GLYATL1B: variants seen among roughly 807,000 people sequenced by gnomAD.
GLYATL1B encodes glycine-N-acyltransferase like 1B.
Under a neutral mutation model 5.5 loss-of-function variants are expected in GLYATL1B, and 6 were observed. That is an observed-to-expected ratio of 1.09 (90% CI 0.60 to 2.15). The LOEUF (loss-of-function observed/expected upper bound fraction) is 2.15, where lower values mean the gene tolerates loss of function less well. Ranked by LOEUF, GLYATL1B falls within the 30% of genes most tolerant of loss-of-function variation. The pLI is 0.00. For missense variants in GLYATL1B, 135 were observed against 94.1 expected (o/e 1.43, Z -1.80); for synonymous variants, 67 against 34.9 (o/e 1.92, Z -3.24).
chr11:59,091,373 G>A (rs1565176588), intron 2 of GLYATL1B, among the ~76,000 whole-genome samples: 1 of 152,120 alleles, frequency 6.6e-6, no homozygotes, highest in African/African-American at 2.4e-5. Context: ...GATAAAGGGG[G>A]TACATGTGCA....
intron 2 of GLYATL1B, 45 bp from the exon 3 acceptor site, chr11:59,093,484 G>C: frequency 2.1e-6 from 1 of 473,934 alleles, no homozygotes; most frequent in Non-Finnish European, 3.9e-6. Context: ...GAGAGGAGAA[G>C]AAAAAGTTCA....
chr11:59,093,179 G>A (rs1416202681), intron 2 of GLYATL1B, among the ~76,000 whole-genome samples: 2 of 152,200 alleles, frequency 1.3e-5, no homozygotes, highest in Non-Finnish European at 2.9e-5. Context: ...GCTCTGTGAT[G>A]CTATATATAA....
chr11:59,091,161 T>A (rs901828381), intron 2 of GLYATL1B, among the ~76,000 whole-genome samples: 59 of 152,272 alleles, frequency 3.9e-4, no homozygotes, highest in Non-Finnish European at 6.9e-4. Context: ...TATTCAGAAT[T>A]TTTGCATCTG....
intron 1 of GLYATL1B, among the ~76,000 whole-genome samples, chr11:59,086,657 C>T (rs1324655311): frequency 1.3e-5 from 2 of 152,162 alleles, no homozygotes; most frequent in Non-Finnish European, 2.9e-5. Flanking sequence ...AATAAATATG[C>T]ATTGCAAGGC....
chr11:59,091,738 T>C (rs1054846857), intron 2 of GLYATL1B, among the ~76,000 whole-genome samples: 21 of 152,174 alleles, frequency 1.4e-4, no homozygotes, highest in African/African-American at 2.7e-4. Context: ...AATGAATCGT[T>C]CTACCAAAAT....
chr11:59,093,768 C>A, intron 3 of GLYATL1B, 113 bp downstream of exon 3: 1 of 432,288 alleles, frequency 2.3e-6, no homozygotes, highest in South Asian at 1.1e-4. Flanking sequence ...TTGAAATTCT[C>A]AGAGCTGGGA....
chr11:59,094,302 T>C (rs1192510945), intron 4 of GLYATL1B, 67 bp from the exon 5 acceptor site: 1 of 486,772 alleles, frequency 2.1e-6, no homozygotes, highest in East Asian at 3.3e-5. Flanking sequence ...ATCTCTAGAA[T>C]GGAAGGGCAC....
At chr11:59,091,550 A>G (rs960411787) in intron 2 of GLYATL1B, among the ~76,000 whole-genome samples, 3 of 152,178 alleles carry the variant, frequency 2.0e-5, no homozygotes, top group Middle Eastern at 3.2e-3. Context: ...ATGTCCATGT[A>G]TGTTCAATGC....
intron 2 of GLYATL1B, among the ~76,000 whole-genome samples, chr11:59,090,333 G>A (rs909541619): frequency 3.7e-4 from 57 of 152,030 alleles, no homozygotes; most frequent in African/African-American, 1.3e-3. Flanking sequence ...TATTGCAATT[G>A]TGATTTGTAT....
chr11:59,090,019 C>T (rs1859274763), intron 2 of GLYATL1B, among the ~76,000 whole-genome samples: 2 of 151,948 alleles, frequency 1.3e-5, no homozygotes, highest in South Asian at 2.1e-4. Context: ...CATGAATTAA[C>T]ATTCTTTTAT....
At chr11:59,086,473 T>G in intron 1 of GLYATL1B, 89 bp downstream of exon 1, 1 of 396,038 alleles carries the variant, frequency 2.5e-6, no homozygotes, top group East Asian at 3.6e-5. Flanking sequence ...CTTCCTGACT[T>G]TGTGCAGAGG....
intron 3 of GLYATL1B, 70 bp downstream of exon 3, chr11:59,093,725 A>G: frequency 2.3e-6 from 1 of 433,070 alleles, no homozygotes. Context: ...CAGCATTAGC[A>G]TCACCTGAGA....
intron 4 of GLYATL1B, 29 bp downstream of exon 4, chr11:59,094,140 A>C (rs1301546496): frequency 3.3e-5 from 19 of 573,724 alleles, no homozygotes; most frequent in Non-Finnish European, 5.0e-5. Context: ...GATCATTTAT[A>C]ATTGCTATTC....
At chr11:59,090,179 AT>A (rs1363446728) in intron 2 of GLYATL1B, among the ~76,000 whole-genome samples, 15 of 151,888 alleles carry the variant, frequency 9.9e-5, no homozygotes, top group Admixed American at 7.9e-4. Flanking sequence ...TTCTCATGCT[AT>A]TTCATTGTTT....
intron 2 of GLYATL1B, among the ~76,000 whole-genome samples, chr11:59,090,420 C>T (rs1418012974): frequency 3.3e-5 from 5 of 151,816 alleles, no homozygotes. Context: ...GAAATATGGT[C>T]TTTCTCTCAC....
intron 2 of GLYATL1B, among the ~76,000 whole-genome samples, chr11:59,090,034 A>G (rs1486847999): frequency 6.6e-6 from 1 of 152,048 alleles, no homozygotes; most frequent in Non-Finnish European, 1.5e-5. Context: ...TTTTATATTT[A>G]TCCCCCGAAT....
At chr11:59,093,487 A>C (rs530374514) in intron 2 of GLYATL1B, 42 bp from the exon 3 acceptor site, 1 of 474,750 alleles carries the variant, frequency 2.1e-6, no homozygotes, top group South Asian at 6.9e-5. Context: ...AGGAGAAGAA[A>C]AAGTTCAAGG....
At position 59,094,695 on chromosome 11, in the gene GLYATL1B, T is replaced by C. The variant is rs372245067; in HGVS notation, c.818T>C (p.Val273Ala). Reference protein sequence around the residue: ...YGSVLEENQGVIRKTSALGFL... With the variant: ...YGSVLEENQGAIRKTSALGFL... ...TCTGTGCTGGAAGAAAATCAAGGCGTCATCAGAAAGACTAGTGCACTAGGT... is the reference window on the plus strand; with the variant it reads ...TCTGTGCTGGAAGAAAATCAAGGCGCCATCAGAAAGACTAGTGCACTAGGT... The change falls in exon 5 of 5, where the codon GTC becomes GCC. Residue 273 changes from valine (V) to alanine (A), a missense_variant. Coordinates refer to ENST00000527482, the MANE Select transcript of GLYATL1B (RefSeq NM_001355566.1). 47 of 445,918 alleles carry C rather than the reference T, an allele frequency of 1.1e-4. No homozygotes were observed. The highest frequency in any genetic ancestry group is 6.6e-4 in the African/African-American group (33 of 50,172). 27.6% of individuals were successfully genotyped at this position (445,918 alleles called of 1,614,324 possible).
intron 2 of GLYATL1B, among the ~76,000 whole-genome samples, chr11:59,091,289 C>T (rs493752): frequency 0.032 from 4,848 of 152,084 alleles, 286 homozygotes; most frequent in African/African-American, 0.11. Context: ...TTTGGTTTTG[C>T]CTTATGTAGA....
Sources: gnomAD v4.1 joint callset for allele counts (sites outside exome capture counted in the v4.1 genomes callset) on GRCh38, gnomAD v4.1.1 for gene constraint, MANE v1.5 for transcripts, NCBI Gene and HGNC (gene_info 2026-07-23, HGNC 2026-07-21) for gene names.